The following BAIAP2L2 variants were observed in gnomAD, a reference collection of about 807,000 sequenced individuals.
The protein encoded by BAIAP2L2 is BAR/IMD domain containing adaptor protein 2 like 2.
Under a neutral mutation model 60.4 loss-of-function variants are expected in BAIAP2L2, and 65 were observed. The ratio of observed to expected loss-of-function variants is 1.08; its 90% CI spans 0.88 to 1.32. The LOEUF is 1.32. Among genes scored for constraint, BAIAP2L2 ranks in the 40% most tolerant of loss-of-function variants. The pLI, the probability that BAIAP2L2 is intolerant of heterozygous loss-of-function variation, is 0.00. For missense variants in BAIAP2L2, 836 were observed against 741.2 expected, an observed-to-expected ratio of 1.13 and a Z score of -1.48; for synonymous variants, 344 against 301.7, an observed-to-expected ratio of 1.14 and a Z score of -1.45.
At chr22:38,096,908 A>T (rs2086443291) in intron 7 of BAIAP2L2, 124 bp downstream of exon 7, 1 of 1,188,822 alleles carries the variant, frequency 8.4e-7, no homozygotes. Context: ...AAATAAAATG[A>T]ATTTCTACAG....
chr22:38,107,227 G>C (rs1231924679), intron 4 of BAIAP2L2, among the ~76,000 whole-genome samples: 1 of 152,102 alleles, frequency 6.6e-6, no homozygotes, highest in East Asian at 1.9e-4. Flanking sequence ...ACTTGCCCCA[G>C]GGAGTCAGAG....
chr22:38,096,241 A>G (rs917992169), intron 7 of BAIAP2L2, among the ~76,000 whole-genome samples: 1 of 152,236 alleles, frequency 6.6e-6, no homozygotes, highest in African/African-American at 2.4e-5. Flanking sequence ...TAGCCAAAAA[A>G]CGCCAAACAA....
intron 5 of BAIAP2L2, 34 bp from the exon 6 acceptor site, chr22:38,098,213 C>G (rs1486989022): frequency 6.2e-7 from 1 of 1,601,442 alleles, no homozygotes; most frequent in Admixed American, 1.7e-5. Flanking sequence ...GGGAGAATCC[C>G]CCCACATCAG....
upstream of BAIAP2L2, chr22:38,110,787 C>T: frequency 2.0e-6 from 1 of 501,668 alleles, no homozygotes. Flanking sequence ...GTGACCTGCC[C>T]TTCAATTATT....
At position 38,103,799 on chromosome 22, in the gene BAIAP2L2, G is replaced by A. The variant is rs566477423; in HGVS notation, c.276+4053C>T. The stretch of plus-strand genomic sequence containing the variant: ...AATTGCTTGAACCTGGGAGGCGGAC[G>A]TTGCAGTGAGCCGAGATTGCATCAC... On this transcript the variant is annotated intron_variant, in intron 4 of 13. Coordinates refer to ENST00000381669, the MANE Select transcript of BAIAP2L2 (RefSeq NM_025045.6). 8.7e-5 allele frequency among the ~76,000 whole-genome samples: 13 copies of A among 149,118 alleles called. No individual in the cohort carries two copies. The East Asian group carries it at 1.4e-3, about 16-fold the overall frequency.
Position 38,086,429 on chromosome 22 carries a change from C to T in BAIAP2L2, c.1280G>A (p.Ser427Asn). 1.3e-6 allele frequency: 2 copies of T among 1,515,376 alleles called. No homozygotes were observed. Among genetic ancestry groups the T allele is most frequent in the Non-Finnish European group, 1.8e-6 (2 of 1,126,180 alleles). 93.9% of individuals were successfully genotyped at this position (1,515,376 alleles called of 1,614,324 possible). A position where few individuals can be genotyped will look rare whatever the true frequency, so the allele number is the denominator to read the frequency against. ...LPSRSYPLRG[S>N]HSLDDLLDRP... ...GTCCAGGAGGTCATCGAGGCTGTGGCTGCCCCGGAGTGGGTAGGACCTAAG... is the reference window on the plus strand; with the variant it reads ...GTCCAGGAGGTCATCGAGGCTGTGGTTGCCCCGGAGTGGGTAGGACCTAAG... Residue 427 changes from serine to asparagine, a missense_variant, in exon 12 of 14, where the codon AGC becomes AAC. Transcript: ENST00000381669.
chr22:38,109,104 G>C (rs368526767), intron 2 of BAIAP2L2, 29 bp downstream of exon 2: 3 of 1,583,974 alleles, frequency 1.9e-6, no homozygotes, highest in Non-Finnish European at 2.6e-6. Context: ...GCCCAGGGCT[G>C]GGGCTCGGTG....
rs1346731352 is a variant in BAIAP2L2 at position 38,089,694 on chromosome 22, G to A, written c.613-20C>T. The A allele has an allele frequency of 5.2e-5, 64 of 1,228,970 alleles. No individual in the cohort carries two copies. The highest frequency in any genetic ancestry group is 6.4e-5 in the Non-Finnish European group (63 of 986,176). 76.1% of individuals were successfully genotyped at this position (1,228,970 alleles called of 1,614,324 possible). On this transcript the variant is annotated intron_variant, in intron 7 of 13. Transcript: ENST00000381669. ...CCGGGCCTGGCCGGGCGGGGACACG[G>A]GGGTCAGCCAGGTCCGGGCGGCTCC...
chr22:38,106,666 G>A (rs114327918), intron 4 of BAIAP2L2, among the ~76,000 whole-genome samples: 2,470 of 151,680 alleles, frequency 0.016, 64 homozygotes, highest in African/African-American at 0.056. Context: ...ATTTCCTTCC[G>A]AACCTTCCCA....
At chr22:38,086,815 G>A (rs1029919248) in intron 11 of BAIAP2L2, among the ~76,000 whole-genome samples, 1 of 152,040 alleles carries the variant, frequency 6.6e-6, no homozygotes. Flanking sequence ...GGCCAACATA[G>A]TGAAACCCTG....
At chr22:38,108,146 C>G in intron 3 of BAIAP2L2, 109 bp downstream of exon 3, 1 of 1,133,168 alleles carries the variant, frequency 8.8e-7, no homozygotes, top group Non-Finnish European at 1.3e-6. Flanking sequence ...GAGTCTGGCT[C>G]TGGGCCCTGG....
intron 4 of BAIAP2L2, among the ~76,000 whole-genome samples, chr22:38,107,169 A>G (rs2086681467): frequency 6.6e-6 from 1 of 152,176 alleles, no homozygotes; most frequent in South Asian, 2.1e-4. Context: ...ACCACGAGCT[A>G]AGAACGGACA....
In BAIAP2L2 at chr22:38,085,706, T is replaced by TG. The variant is rs1175821639; in HGVS notation, c.1493dup (p.Pro499ThrfsTer24). 83 of 1,611,810 alleles carry TG rather than the reference T, an allele frequency of 5.1e-5. No individual in the cohort carries two copies. The highest frequency in any genetic ancestry group is 6.2e-5 in the Non-Finnish European group (73 of 1,179,312). On this transcript the variant is annotated frameshift_variant, in exon 13 of 14. Coordinates refer to ENST00000381669, the MANE Select transcript of BAIAP2L2 (RefSeq NM_025045.6). LOFTEE classifies it high-confidence loss of function. Reference sequence around the variant, plus strand: ...CTCACCTCGGGAAGAGCTCCTGTGGTGGGTACTGCTCTGAGGACATCAGTT... The same window carrying TG: ...CTCACCTCGGGAAGAGCTCCTGTGGTGGGGTACTGCTCTGAGGACATCAGTT...
chr22:38,098,603 C>A (rs934779368), intron 4 of BAIAP2L2, 121 bp from the exon 5 acceptor site: 1 of 671,964 alleles, frequency 1.5e-6, no homozygotes, highest in African/African-American at 1.8e-5. Context: ...CAGGCACCTG[C>A]CCACCTGTCA....
intron 2 of BAIAP2L2, 88 bp from the exon 3 acceptor site, chr22:38,108,429 G>A: frequency 9.5e-7 from 1 of 1,053,548 alleles, no homozygotes; most frequent in African/African-American, 1.6e-5. Context: ...GACTGTGTCT[G>A]TCCTGGGTGG....
At position 38,110,642 on chromosome 22, in the gene BAIAP2L2, C is replaced by T. The variant is rs969295686; in HGVS notation, c.-117G>A. ...GACTCAGCTGGCAGCGAGGAAGCCT[C>T]GGAGAGGGACCTGGAGATGGAGGCC... is the stretch of plus-strand genomic sequence containing the variant. On this transcript the variant is annotated 5_prime_UTR_variant, in exon 1 of 14. Transcript: ENST00000381669. The T allele has an allele frequency of 1.2e-5, 9 of 767,734 alleles. No individual in the cohort carries two copies. Among genetic ancestry groups the T allele is most frequent in the African/African-American group, 3.6e-5 (2 of 56,328 alleles). 47.6% of individuals were successfully genotyped at this position (767,734 alleles called of 1,614,324 possible). A position where few individuals can be genotyped will look rare whatever the true frequency, so the allele number is the denominator to read the frequency against.
Position 38,086,294 on chromosome 22 carries a change from G to C in BAIAP2L2, c.1415C>G (p.Pro472Arg), listed in dbSNP as rs557966274. 3 of 1,611,076 alleles carry C rather than the reference G, an allele frequency of 1.9e-6. No individual in the cohort carries two copies. Among genetic ancestry groups the C allele is most frequent in the Admixed American group, 3.3e-5 (2 of 59,850 alleles). Residue 472 changes from proline to arginine, a missense_variant, in exon 12 of 14, where the codon CCC (proline) becomes CGC (arginine). Physicochemically the swap from Pro to Arg is moderately radical, Grantham distance 103. Coordinates refer to ENST00000381669, the MANE Select transcript of BAIAP2L2 (RefSeq NM_025045.6). ...RAPSPAPPPL[P>R]SSRRSSMGST... is the part of the protein sequence containing the mutation. ...GCCCATGCTGCTGCGGCGGCTGCTG[G>C]GCAAGGGTGGAGGTGCAGGGCTGGG...
At chr22:38,086,848 T>G (rs926083580) in intron 11 of BAIAP2L2, among the ~76,000 whole-genome samples, 1 of 151,584 alleles carries the variant, frequency 6.6e-6, no homozygotes, top group Non-Finnish European at 1.5e-5. Flanking sequence ...ATACAAAAAG[T>G]AGCCAGGTGT....
intron 4 of BAIAP2L2, among the ~76,000 whole-genome samples, chr22:38,105,868 G>C (rs1028336278): frequency 3.3e-5 from 5 of 152,214 alleles, no homozygotes; most frequent in Admixed American, 6.5e-5. Flanking sequence ...AGTCAGTAGG[G>C]ATCAAATAAA....
Sources: gnomAD v4.1 joint callset for allele counts (sites outside exome capture counted in the v4.1 genomes callset) on GRCh38, gnomAD v4.1.1 for gene constraint, MANE v1.5 for transcripts, NCBI Gene and HGNC (gene_info 2026-07-23, HGNC 2026-07-21) for gene names.